The following STXBP3 variants were observed in gnomAD, a reference collection of about 807,000 sequenced individuals.
The protein encoded by STXBP3 is syntaxin-binding protein 3.
A neutral mutation model predicts 85.7 loss-of-function variants in STXBP3; 41 were observed. The ratio of observed to expected loss-of-function variants is 0.48; its 90% CI spans 0.37 to 0.62. The LOEUF (loss-of-function observed/expected upper bound fraction) is 0.62. STXBP3 is among the 20% of genes least tolerant of loss of function. The probability of loss-of-function intolerance (pLI) is 0.00; values close to 1 mark genes in which losing one functional copy is unlikely to be tolerated. For missense variants in STXBP3, 563 were observed against 703.1 expected (o/e 0.80, Z 2.25); for synonymous variants, 229 against 231.7 (o/e 0.99, Z 0.10).
chr1:108,800,114 T>TTATG, intron 16 of STXBP3, 106 bp from the exon 17 acceptor site: 1 of 735,970 alleles, frequency 1.4e-6, no homozygotes, highest in Non-Finnish European at 2.4e-6. Flanking sequence ...TACTAAATAT[T>TTATG]TATGTCTAAG....
At position 108,793,631 on chromosome 1, in the gene STXBP3, G is replaced by A. The variant is rs147446724; in HGVS notation, c.1013G>A (p.Arg338Gln). 98 of 1,611,590 alleles carry A rather than the reference G, an allele frequency of 6.1e-5. No individual in the cohort carries two copies. Among genetic ancestry groups the A allele is most frequent in the Admixed American group, 1.5e-4 (9 of 59,922 alleles). Reference protein sequence around the residue: ...TQLMKKMPHFRKQITKQVVHL... With the variant: ...TQLMKKMPHFQKQITKQVVHL... ...CTGATGAAAAAGATGCCCCATTTCC[G>A]AAAACAGATTACTAAGGTAAGCAGT... is the stretch of plus-strand genomic sequence containing the variant. Residue 338 changes from arginine to glutamine, a missense_variant, in exon 12 of 19, where the codon CGA becomes CAA. Physicochemically the swap from Arg to Gln is conservative, Grantham distance 43. Around this residue, in one of 3 missense-constraint regions of STXBP3, gnomAD observed 494 missense variants for 592.8 expected, o/e 0.83. Transcript: ENST00000370008.
At chr1:108,750,227 A>G (rs1016938579) in intron 1 of STXBP3, among the ~76,000 whole-genome samples, 2 of 152,120 alleles carry the variant, frequency 1.3e-5, no homozygotes, top group Non-Finnish European at 2.9e-5. Context: ...CAGCTGTTTG[A>G]GGTATAAGGA....
At chr1:108,805,611 G>A (rs199798868) in intron 17 of STXBP3, among the ~76,000 whole-genome samples, 3 of 152,086 alleles carry the variant, frequency 2.0e-5, no homozygotes, top group African/African-American at 7.2e-5. Context: ...TTTTAGTAGA[G>A]AGGGGGTTTC....
chr1:108,754,716 G>A (rs1661982017), intron 3 of STXBP3, among the ~76,000 whole-genome samples: 1 of 152,086 alleles, frequency 6.6e-6, no homozygotes, highest in African/African-American at 2.4e-5. Context: ...GCTTTCTTTA[G>A]GACTTAAGAG....
intron 5 of STXBP3, chr1:108,758,997 T>G (rs900356207): frequency 2.6e-5 from 4 of 152,352 alleles, no homozygotes; most frequent in African/African-American, 9.6e-5. Context: ...GAGAGGGCAC[T>G]GAAGAAAACA....
At chr1:108,767,417 G>C (rs1200453612) in intron 6 of STXBP3, 1 of 199,602 alleles carries the variant, frequency 5.0e-6, no homozygotes, top group Non-Finnish European at 1.0e-5. Context: ...ATTCCTTCTT[G>C]AGTTTAACTT....
intron 1 of STXBP3, among the ~76,000 whole-genome samples, chr1:108,747,834 T>G (rs909630243): frequency 6.6e-6 from 1 of 152,182 alleles, no homozygotes. Flanking sequence ...TTTTAAAAGA[T>G]TAGATAATTT....
intron 11 of STXBP3, among the ~76,000 whole-genome samples, chr1:108,784,034 A>G (rs1048728963): frequency 6.6e-6 from 1 of 152,152 alleles, no homozygotes; most frequent in Non-Finnish European, 1.5e-5. Context: ...TATGAGTCCT[A>G]TACATGTATT....
intron 5 of STXBP3, 117 bp from the exon 6 acceptor site, chr1:108,759,868 T>G (rs1406635022): frequency 3.1e-6 from 2 of 648,370 alleles, no homozygotes; most frequent in African/African-American, 3.9e-5. Flanking sequence ...ATTTATGTCC[T>G]CATAATAACT....
rs35931069 is a variant in STXBP3, at chr1:108,754,033, C to CT, written c.181+906dup. ...TTTTGATGTTTACACATAAAATAAT[C>CT]TTTTTTTTTTTTTTTTTGAGACAGG... is the stretch of plus-strand genomic sequence containing the variant. On this transcript the variant is annotated intron_variant, in intron 3 of 18. Coordinates refer to ENST00000370008, the MANE Select transcript of STXBP3 (RefSeq NM_007269.4). Among the ~76,000 whole-genome samples the CT allele has an allele frequency of 4.7e-3, 628 of 133,772 alleles. 27 individuals carry two copies. The highest frequency in any genetic ancestry group is 0.011 in the African/African-American group (406 of 35,340). The allele number at this position is 133,772 out of a possible 152,430, so 87.8% of individuals were successfully genotyped here.
At chr1:108,759,953 T>C in intron 5 of STXBP3, 32 bp from the exon 6 acceptor site, 2 of 1,297,740 alleles carry the variant, frequency 1.5e-6, no homozygotes, top group Non-Finnish European at 1.1e-6. Context: ...AATCTAGATG[T>C]AACTATATGC....
chr1:108,798,480 G>A (rs1663163997), intron 16 of STXBP3, among the ~76,000 whole-genome samples: 1 of 145,432 alleles, frequency 6.9e-6, no homozygotes, highest in South Asian at 2.2e-4. Flanking sequence ...CAGTGGCACA[G>A]TCTTGGCTCA....
chr1:108,755,310 G>T (rs1273585796), intron 3 of STXBP3, among the ~76,000 whole-genome samples: 1 of 151,948 alleles, frequency 6.6e-6, no homozygotes, highest in Non-Finnish European at 1.5e-5. Context: ...AACCAAGCAT[G>T]GTGGCACATA....
At chr1:108,801,673 T>A (rs1663236132) in intron 17 of STXBP3, among the ~76,000 whole-genome samples, 2 of 151,464 alleles carry the variant, frequency 1.3e-5, no homozygotes, top group South Asian at 2.1e-4. Context: ...TTTTTTTTTT[T>A]AAATAGAGGC....
intron 3 of STXBP3, 36 bp downstream of exon 3, chr1:108,753,180 G>T: frequency 7.0e-7 from 1 of 1,420,970 alleles, no homozygotes; most frequent in South Asian, 1.5e-5. Context: ...CTTTTTAATT[G>T]TAATTGGGGG....
chr1:108,746,848 G>A (rs2101097946), intron 1 of STXBP3, 62 bp downstream of exon 1: 1 of 1,522,418 alleles, frequency 6.6e-7, no homozygotes, highest in South Asian at 1.2e-5. Context: ...GCCGGGCCTC[G>A]TTTTGCAGCC....
intron 3 of STXBP3, among the ~76,000 whole-genome samples, chr1:108,754,247 G>A (rs868177232): frequency 3.5e-4 from 53 of 152,064 alleles, no homozygotes; most frequent in African/African-American, 1.3e-3. Flanking sequence ...TGTTGCCCAG[G>A]ATGGTCTCAA....
At position 108,809,500 on chromosome 1, in the gene STXBP3, A is replaced by G. The variant is rs1201880379; in HGVS notation, c.*623A>G. The stretch of plus-strand genomic sequence containing the variant: ...CCAAAAATCATGAACATTCTAAGAG[A>G]AAATAAATATAGAATTTAAAAAATT... On this transcript the variant is annotated 3_prime_UTR_variant, in exon 19 of 19. Coordinates refer to ENST00000370008, the MANE Select transcript of STXBP3 (RefSeq NM_007269.4). The G allele has an allele frequency of 2.6e-5, 4 of 152,284 alleles. No individual in the cohort carries two copies. The highest frequency in any genetic ancestry group is 5.9e-5 in the Non-Finnish European group (4 of 68,008). 9.4% of individuals were successfully genotyped at this position (152,284 alleles called of 1,614,324 possible).
rs1218537667 is a variant in STXBP3 at position 108,796,619 on chromosome 1, G to A, written c.1250-1G>A. ...TGCACTCATATTTTTACCTATTTAA[G>A]GAACTACGGAAGAAAATTTGGACAG... On this transcript the variant is annotated splice_acceptor_variant, in intron 14 of 18. Transcript: ENST00000370008. LOFTEE classifies it high-confidence loss of function. 1.9e-6 allele frequency: 3 copies of A among 1,611,202 alleles called. No individual in the cohort carries two copies. Among genetic ancestry groups the A allele is most frequent in the Non-Finnish European group, 2.5e-6 (3 of 1,178,860 alleles).
Sources: allele counts gnomAD v4.1 joint callset (sites outside exome capture counted in the v4.1 genomes callset), GRCh38; gene constraint gnomAD v4.1.1; regional missense constraint gnomAD v4.1.1; transcripts MANE v1.5; gene names NCBI Gene and HGNC (gene_info 2026-07-23, HGNC 2026-07-21).